RYR3: variants seen among roughly 807,000 people sequenced by gnomAD.
RYR3 encodes ryanodine receptor 3.
A neutral mutation model predicts 584.3 loss-of-function variants in RYR3; 207 were observed. The ratio of observed to expected loss-of-function variants is 0.35; its 90% CI spans 0.32 to 0.40. The LOEUF is 0.40. Among genes scored for constraint, RYR3 ranks in the 10% least tolerant of loss-of-function variants. The pLI is 1.00. For missense variants in RYR3, 5,616 were observed against 6,089.2 expected (o/e 0.92, Z 2.59); for synonymous variants, 2,416 against 2,248.5 (o/e 1.07, Z -2.11).
chr15:33,538,764 T>G (rs2055550714), intron 5 of RYR3, among the ~76,000 whole-genome samples: 2 of 152,348 alleles, frequency 1.3e-5, no homozygotes, highest in African/African-American at 4.8e-5. Flanking sequence ...TTTCTTCATC[T>G]CCATTTTCTT....
Position 33,473,475 on chromosome 15 carries a change from C to G in RYR3, c.108C>G (p.Phe36Leu). 6.2e-7 allele frequency: 1 copy of G among 1,613,950 alleles called. No individual in the cohort carries two copies. Among genetic ancestry groups the G allele is most frequent in the Non-Finnish European group, 8.5e-7 (1 of 1,179,862 alleles). The change falls in exon 2 of 104, where the codon TTC (phenylalanine) becomes TTG (leucine). Residue 36 changes from phenylalanine (F) to leucine (L), a missense_variant. By Grantham distance (22) the Phe-to-Leu change is conservative (BLOSUM62 0). Around this residue, in one of 9 missense-constraint regions of RYR3, gnomAD observed 1,284 missense variants for 1,344.6 expected, o/e 0.95. Coordinates refer to ENST00000634891, the MANE Select transcript of RYR3 (RefSeq NM_001036.6). Reference sequence around the variant, plus strand: ...CCATTCATAAGGAGCAGAGGAAGTTCTGCCTGGCAGCCGAGGGACTTGGGA... The same window carrying G: ...CCATTCATAAGGAGCAGAGGAAGTTGTGCCTGGCAGCCGAGGGACTTGGGA... ...IATIHKEQRK[F>L]CLAAEGLGNR...
At chr15:33,772,202 C>T in intron 63 of RYR3, 44 bp downstream of exon 63, 1 of 1,310,118 alleles carries the variant, frequency 7.6e-7, no homozygotes, top group Non-Finnish European at 1.1e-6. Flanking sequence ...TGCACATGGC[C>T]CCAGATAGGA....
At position 33,865,236 on chromosome 15, in the gene RYR3, A is replaced by G. The variant is rs773022103; in HGVS notation, c.*10A>G. The G allele has an allele frequency of 2.7e-5, 43 of 1,591,600 alleles. No individual in the cohort carries two copies. In the Middle Eastern group the frequency reaches 5.0e-4, roughly 19 times the overall value. ...AGATCAGCTTGGATAAATCTGAATC[A>G]AAGAAGCGCGACAATTCTGGACAGT... On this transcript the variant is annotated 3_prime_UTR_variant, in exon 104 of 104. Transcript: ENST00000634891.
intron 1 of RYR3, among the ~76,000 whole-genome samples, chr15:33,370,894 T>A (rs1320117477): frequency 6.6e-6 from 1 of 152,162 alleles, no homozygotes; most frequent in East Asian, 1.9e-4. Flanking sequence ...GTCTACTGCC[T>A]ACCTCCTAAG....
rs180882042 is a variant in RYR3, at chr15:33,864,131, G to C, written c.14466-7G>C. 2.2e-5 allele frequency: 36 copies of C among 1,608,418 alleles called. 1 individual carries two copies. In the Admixed American group the frequency reaches 4.0e-4, roughly 18 times the overall value. On this transcript the variant is annotated splice_region_variant and splice_polypyrimidine_tract_variant and intron_variant, in intron 102 of 103. Coordinates refer to ENST00000634891, the MANE Select transcript of RYR3 (RefSeq NM_001036.6). ...GAGTATCTAATACTATCTTTTCCTC[G>C]TTCCAGGTTCTTTCTGATGTATTTG...
intron 10 of RYR3, 58 bp from the exon 11 acceptor site, chr15:33,562,779 T>C (rs1354311125): frequency 7.6e-7 from 1 of 1,318,984 alleles, no homozygotes; most frequent in African/African-American, 1.5e-5. Flanking sequence ...GTTTTGTATA[T>C]TGAGCTTCTA....
chr15:33,583,156 G>C (rs1464405715), intron 14 of RYR3, among the ~76,000 whole-genome samples: 5 of 152,200 alleles, frequency 3.3e-5, no homozygotes, highest in African/African-American at 1.2e-4. Context: ...AATCAGTAAA[G>C]CTGGATGAGG....
intron 74 of RYR3, 118 bp from the exon 75 acceptor site, chr15:33,816,744 C>A (rs910117338): frequency 3.3e-6 from 2 of 613,328 alleles, no homozygotes; most frequent in Admixed American, 2.8e-5. Flanking sequence ...CTACCCTGAC[C>A]AATCAGAAGA....
intron 1 of RYR3, among the ~76,000 whole-genome samples, chr15:33,364,104 T>C (rs1975143968): frequency 6.6e-6 from 1 of 152,234 alleles, no homozygotes; most frequent in East Asian, 1.9e-4. Flanking sequence ...TAACTTCTTA[T>C]ATTGAATACA....
chr15:33,698,104 A>G, intron 40 of RYR3, 108 bp downstream of exon 40: 1 of 737,504 alleles, frequency 1.4e-6, no homozygotes, highest in East Asian at 2.5e-5. Context: ...TTTCTCTTCC[A>G]GGGAGAGGAA....
intron 62 of RYR3, among the ~76,000 whole-genome samples, chr15:33,770,503 G>A (rs1451966609): frequency 5.9e-5 from 9 of 152,208 alleles, no homozygotes; most frequent in Admixed American, 5.9e-4. Context: ...TGTAATCCCA[G>A]CACTTTGGGA....
chr15:33,728,603 A>G (rs1317789765), intron 46 of RYR3, among the ~76,000 whole-genome samples: 2 of 152,176 alleles, frequency 1.3e-5, no homozygotes, highest in Non-Finnish European at 2.9e-5. Flanking sequence ...CCTGTTGCAT[A>G]TCTCAAATCT....
At chr15:33,706,614 T>G (rs1218732343) in intron 42 of RYR3, among the ~76,000 whole-genome samples, 2 of 152,350 alleles carry the variant, frequency 1.3e-5, no homozygotes, top group East Asian at 3.9e-4. Context: ...ATATCACGTT[T>G]TGCTTATTCA....
At chr15:33,741,403 G>T (rs1484721228) in intron 51 of RYR3, among the ~76,000 whole-genome samples, 1 of 152,126 alleles carries the variant, frequency 6.6e-6, no homozygotes, top group Non-Finnish European at 1.5e-5. Flanking sequence ...CCCAACTCAA[G>T]ACTTAAATTC....
chr15:33,844,293 C>G (rs2078570246), intron 92 of RYR3, among the ~76,000 whole-genome samples: 1 of 152,158 alleles, frequency 6.6e-6, no homozygotes, highest in Admixed American at 6.5e-5. Flanking sequence ...TGGTTTTAAA[C>G]ACATTGAGGT....
chr15:33,731,382 T>C, intron 47 of RYR3, 92 bp from the exon 48 acceptor site: 1 of 834,698 alleles, frequency 1.2e-6, no homozygotes, highest in Admixed American at 2.0e-5. Flanking sequence ...ATATATAAGC[T>C]CCCACAGCTT....
intron 59 of RYR3, among the ~76,000 whole-genome samples, chr15:33,756,750 C>T (rs1370707589): frequency 6.6e-6 from 1 of 152,114 alleles, no homozygotes; most frequent in African/African-American, 2.4e-5. Flanking sequence ...TGTCATCTTT[C>T]ACCTTACTGA....
intron 16 of RYR3, among the ~76,000 whole-genome samples, chr15:33,593,785 C>CT (rs1299366692): frequency 2.0e-5 from 3 of 152,206 alleles, no homozygotes; most frequent in Non-Finnish European, 2.9e-5. Flanking sequence ...AGACCAGAAT[C>CT]TAACAACAGG....
At chr15:33,751,521 C>T (rs1326728478) in intron 57 of RYR3, among the ~76,000 whole-genome samples, 1 of 151,464 alleles carries the variant, frequency 6.6e-6, no homozygotes, top group Non-Finnish European at 1.5e-5. Context: ...CAGTTGGCTG[C>T]ATAAATGTCT....
Sources: gnomAD v4.1 joint callset for allele counts (sites outside exome capture counted in the v4.1 genomes callset) on GRCh38, gnomAD v4.1.1 for gene constraint, gnomAD v4.1.1 regional missense constraint, MANE v1.5 for transcripts, NCBI Gene and HGNC (gene_info 2026-07-23, HGNC 2026-07-21) for gene names.